The following PCDH7 variants were observed in gnomAD, a reference collection of about 807,000 sequenced individuals.
PCDH7 encodes protocadherin-7.
A neutral mutation model predicts 58.9 loss-of-function variants in PCDH7; 17 were observed. That is an observed-to-expected ratio of 0.29 (90% CI 0.20 to 0.43). PCDH7 has a LOEUF of 0.43. Among genes scored for constraint, PCDH7 ranks in the 20% least tolerant of loss-of-function variants. PCDH7 has a pLI of 1.00. For synonymous variants in PCDH7, 664 were observed against 616.4 expected (o/e 1.08, Z -1.14); for missense variants, 1,274 against 1,441.0 (o/e 0.88, Z 1.88).
At chr4:30,784,098 A>G (rs555683974) in intron 1 of PCDH7, among the ~76,000 whole-genome samples, 85 of 152,316 alleles carry the variant, frequency 5.6e-4, no homozygotes, top group Non-Finnish European at 7.8e-4. Context: ...TTACTAGAGC[A>G]TATCTCCTCA....
At chr4:30,964,246 A>ATTTTTTTT (rs1403767312) in intron 3 of PCDH7, among the ~76,000 whole-genome samples, 1 of 48,998 alleles carries the variant, frequency 2.0e-5, no homozygotes. Context: ...TTATTTATTT[A>ATTTTTTTT]TTTATTTTTT....
At position 30,723,474 on chromosome 4, in the gene PCDH7, T is replaced by G. The variant is rs1370909751; in HGVS notation, c.2052T>G (p.Ile684Met). ...TGTACATAGAGGAGAACAATAACAT[T>G]TTTTCTATTGAAAATGACACGGGGA... The change falls in exon 1 of 2, where the codon ATT becomes ATG. Residue 684 changes from isoleucine (I) to methionine (M), a missense_variant. Ile to Met is a conservative substitution (Grantham distance 10). Coordinates refer to ENST00000361762, the Ensembl canonical transcript of PCDH7. This position sits in a 1 kb window ranked among gnomAD's most constrained non-coding sequence, Gnocchi z 4.6. The G allele has an allele frequency of 6.2e-7, 1 of 1,613,970 alleles. No homozygotes were observed. Among genetic ancestry groups the G allele is most frequent in the Non-Finnish European group, 8.5e-7 (1 of 1,180,026 alleles).
At chr4:31,093,404 G>T (rs1460144660) in intron 3 of PCDH7, among the ~76,000 whole-genome samples, 2 of 152,092 alleles carry the variant, frequency 1.3e-5, no homozygotes, top group Non-Finnish European at 2.9e-5. Context: ...TTGGTAGGGA[G>T]AAAATGACTT....
At chr4:31,130,421 A>G (rs1361454363) in intron 3 of PCDH7, among the ~76,000 whole-genome samples, 1 of 152,226 alleles carries the variant, frequency 6.6e-6, no homozygotes, top group Non-Finnish European at 1.5e-5. Context: ...GGAAATAAAA[A>G]TCAGTTTTTC....
chr4:31,105,495 G>C (rs965445608), intron 3 of PCDH7, among the ~76,000 whole-genome samples: 4 of 152,044 alleles, frequency 2.6e-5, no homozygotes, highest in African/African-American at 9.7e-5. Context: ...ACCATTATTA[G>C]GGCTCTATAC....
At chr4:30,944,787 T>C (rs1746470597) in intron 2 of PCDH7, among the ~76,000 whole-genome samples, 1 of 152,180 alleles carries the variant, frequency 6.6e-6, no homozygotes, top group Admixed American at 6.6e-5. Context: ...TTAATTAAAA[T>C]TAAATTGTAA....
chr4:31,106,776 T>A (rs79999828), intron 3 of PCDH7, among the ~76,000 whole-genome samples: 5,264 of 152,308 alleles, frequency 0.035, 290 homozygotes, highest in African/African-American at 0.12. Context: ...CATATCATAC[T>A]GGTTCTGAAG....
chr4:30,817,812 C>T (rs2109318912), intron 1 of PCDH7, among the ~76,000 whole-genome samples: 1 of 152,250 alleles, frequency 6.6e-6, no homozygotes, highest in South Asian at 2.1e-4. Flanking sequence ...TGCTTCCAAC[C>T]CTGGCCCCTA....
exon 4 of PCDH7, chr4:31,142,759 A>G: frequency 7.3e-7 from 1 of 1,367,570 alleles, no homozygotes; most frequent in Non-Finnish European, 9.8e-7. Context: ...AAAATGAGGA[A>G]GCCAACCCTG....
rs185190829 is a variant in PCDH7, at chr4:31,050,310, C to G, written c.*8-92163C>G. On this transcript the variant is annotated intron_variant, in intron 3 of 3. Transcript: ENST00000509759. Reference sequence around the variant, plus strand: ...ATGTTGATTCTATTACCATTGTACTCTGCTATGTAGACTACAATATTATTA... The same window carrying G: ...ATGTTGATTCTATTACCATTGTACTGTGCTATGTAGACTACAATATTATTA... 3.3e-5 allele frequency among the ~76,000 whole-genome samples: 5 copies of G among 152,208 alleles called. No individual in the cohort carries two copies. In the East Asian group the frequency reaches 9.7e-4, roughly 29 times the overall value.
At chr4:30,863,305 AGTT>A (rs1346406650) in intron 1 of PCDH7, among the ~76,000 whole-genome samples, 16 of 152,066 alleles carry the variant, frequency 1.1e-4, no homozygotes, top group African/African-American at 3.9e-4. Context: ...GCTATAATAT[AGTT>A]GTTCTCAACC....
intron 3 of PCDH7, among the ~76,000 whole-genome samples, chr4:30,972,786 T>C (rs1749711670): frequency 6.6e-6 from 1 of 152,194 alleles, no homozygotes; most frequent in South Asian, 2.1e-4. Context: ...CCATCTCAAC[T>C]GTACCCCACC....
chr4:31,002,218 A>C (rs1185134199), intron 3 of PCDH7, among the ~76,000 whole-genome samples: 3 of 152,220 alleles, frequency 2.0e-5, no homozygotes, highest in Non-Finnish European at 4.4e-5. Context: ...GATTTGAGTA[A>C]AAATGTAATT....
At chr4:30,912,267 G>T (rs1741874251) in intron 1 of PCDH7, among the ~76,000 whole-genome samples, 1 of 152,160 alleles carries the variant, frequency 6.6e-6, no homozygotes, top group South Asian at 2.1e-4. Flanking sequence ...TCCAACTAAT[G>T]CACTATGGAA....
At chr4:31,145,170 C>T (rs1720596222), downstream of PCDH7, 1 of 151,818 alleles carries the variant, frequency 6.6e-6, no homozygotes, top group Non-Finnish European at 1.5e-5. Context: ...CACACCGGAC[C>T]TTCGGATTAA....
intron 3 of PCDH7, among the ~76,000 whole-genome samples, chr4:31,085,854 T>TC (rs34387464): frequency 1.1e-3 from 78 of 67,992 alleles, no homozygotes; most frequent in African/African-American, 3.4e-3. Flanking sequence ...TCTCTCTCTC[T>TC]TTTTTTTTTT....
At chr4:31,136,002 A>G (rs1719555633) in intron 3 of PCDH7, among the ~76,000 whole-genome samples, 1 of 152,234 alleles carries the variant, frequency 6.6e-6, no homozygotes, top group African/African-American at 2.4e-5. Flanking sequence ...ATTCTAAGAA[A>G]TTAATACATT....
chr4:31,009,310 A>G (rs1288351974), intron 3 of PCDH7, among the ~76,000 whole-genome samples: 2 of 152,024 alleles, frequency 1.3e-5, no homozygotes, highest in Non-Finnish European at 2.9e-5. Context: ...TCTCACTCGT[A>G]TTAGTGGAAA....
chr4:31,009,868 G>C (rs1242975363), intron 3 of PCDH7, among the ~76,000 whole-genome samples: 1 of 151,874 alleles, frequency 6.6e-6, no homozygotes, highest in African/African-American at 2.4e-5. Flanking sequence ...GAATTTTCTA[G>C]TAAAACTCCA....
Sources: gnomAD v4.1 joint callset for allele counts (sites outside exome capture counted in the v4.1 genomes callset) on GRCh38, gnomAD v4.1.1 for gene constraint, Gnocchi (gnomAD v3.1) non-coding constraint, MANE v1.5 for transcripts, NCBI Gene and HGNC (gene_info 2026-07-23, HGNC 2026-07-21) for gene names.